Variants in CCSER1 observed in about 807,000 individuals in gnomAD.
CCSER1 encodes serine-rich coiled-coil domain-containing protein 1.
Under a neutral mutation model 82.0 loss-of-function variants are expected in CCSER1, and 41 were observed. That is an observed-to-expected ratio of 0.50 (90% confidence interval 0.39 to 0.65). The LOEUF is 0.65. Ranked by LOEUF, CCSER1 falls within the 30% of genes least tolerant of loss-of-function variation. The pLI is 0.00. For synonymous variants in CCSER1, 414 were observed against 383.9 expected (o/e 1.08, Z -0.92); for missense variants, 1,119 against 1,064.2 (o/e 1.05, Z -0.72).
intron 8 of CCSER1, among the ~76,000 whole-genome samples, chr4:90,917,920 C>T (rs758415668): frequency 6.6e-6 from 1 of 151,894 alleles, no homozygotes; most frequent in Non-Finnish European, 1.5e-5. Context: ...TAGAATATTT[C>T]TCTTTCCATA....
chr4:90,441,992 G>T (rs1759955506), intron 4 of CCSER1, among the ~76,000 whole-genome samples: 1 of 152,164 alleles, frequency 6.6e-6, no homozygotes, highest in African/African-American at 2.4e-5. Flanking sequence ...ACACATTTCA[G>T]TCCTGTGGAA....
chr4:90,768,227 T>C (rs551042037), intron 7 of CCSER1, among the ~76,000 whole-genome samples: 1 of 152,298 alleles, frequency 6.6e-6, no homozygotes, highest in East Asian at 1.9e-4. Flanking sequence ...TCCAAATGAC[T>C]ACTTGGAAAC....
Position 90,309,323 on chromosome 4 carries a change from G to C in CCSER1, c.1039G>C (p.Glu347Gln). ...LPETSAANQK[E>Q]VLLQIAELPA... ...GGAAACCTCTGCTGCTAATCAGAAGGAAGTGTTATTACAAATTGCTGAACT... is the reference window on the plus strand; with the variant it reads ...GGAAACCTCTGCTGCTAATCAGAAGCAAGTGTTATTACAAATTGCTGAACT... The change falls in exon 2 of 11, where the codon GAA (glutamate) becomes CAA (glutamine). Residue 347 changes from glutamate to glutamine, a missense_variant. Glu to Gln is a conservative substitution (Grantham distance 29). Transcript: ENST00000509176. 1.2e-6 allele frequency: 2 copies of C among 1,613,864 alleles called. No individual in the cohort carries two copies. The highest frequency in any genetic ancestry group is 2.2e-5 in the East Asian group (1 of 44,876).
chr4:90,429,271 G>T (rs1357154998), intron 4 of CCSER1, among the ~76,000 whole-genome samples: 1 of 151,790 alleles, frequency 6.6e-6, no homozygotes, highest in Non-Finnish European at 1.5e-5. Context: ...TAGCCACATT[G>T]CCATTGTAGA....
chr4:90,168,242 TTCATGTG>T (rs1730903396), intron 1 of CCSER1, among the ~76,000 whole-genome samples: 1 of 152,222 alleles, frequency 6.6e-6, no homozygotes, highest in South Asian at 2.1e-4. Flanking sequence ...TGAGCATTAT[TTCATGTG>T]TCTTTTGGCT....
At chr4:90,668,575 A>G (rs1239943098) in intron 6 of CCSER1, among the ~76,000 whole-genome samples, 1 of 152,132 alleles carries the variant, frequency 6.6e-6, no homozygotes, top group Non-Finnish European at 1.5e-5. Context: ...TTGATAAGAG[A>G]AAAAAGAATG....
rs188643133 is a variant in CCSER1, at chr4:91,311,875, G to A, written c.2217+225881G>A. Among the ~76,000 whole-genome samples, 585 of 151,916 alleles carry A rather than the reference G, an allele frequency of 3.9e-3. 3 individuals carry two copies. The highest frequency in any genetic ancestry group is 0.014 in the African/African-American group (568 of 41,522). ...AATGCAGAGAACATGTTTATTTAATGAAAGCATGGGTTGTTACTCAAAACC... is the reference window on the plus strand; with the variant it reads ...AATGCAGAGAACATGTTTATTTAATAAAAGCATGGGTTGTTACTCAAAACC... On this transcript the variant is annotated intron_variant, in intron 10 of 10. Transcript: ENST00000509176.
chr4:90,892,125 T>C (rs1254714598), intron 8 of CCSER1, among the ~76,000 whole-genome samples: 1 of 152,106 alleles, frequency 6.6e-6, no homozygotes, highest in Non-Finnish European at 1.5e-5. Context: ...TTTAAATACA[T>C]TTATCTAAAG....
At chr4:90,774,375 T>C (rs1297285258) in intron 7 of CCSER1, among the ~76,000 whole-genome samples, 4 of 152,078 alleles carry the variant, frequency 2.6e-5, no homozygotes, top group Non-Finnish European at 5.9e-5. Flanking sequence ...GTATTATTCT[T>C]TGGGGATAGT....
intron 9 of CCSER1, among the ~76,000 whole-genome samples, chr4:91,054,442 C>T (rs532728179): frequency 2.3e-4 from 35 of 152,042 alleles, no homozygotes; most frequent in Non-Finnish European, 4.3e-4. Context: ...TTTATTGAGC[C>T]TTTTATTAAT....
intron 10 of CCSER1, among the ~76,000 whole-genome samples, chr4:91,251,720 C>A (rs1156624123): frequency 3.3e-5 from 5 of 152,094 alleles, no homozygotes; most frequent in Admixed American, 6.6e-5. Context: ...TCATTTAAAT[C>A]AATTAAAATT....
In CCSER1 at chr4:91,085,967, A is replaced by T. The variant is rs1277909353; in HGVS notation, c.2190A>T (p.Arg730Ser). 3.9e-6 allele frequency: 6 copies of T among 1,530,268 alleles called. No individual in the cohort carries two copies. The African/African-American group carries it at 6.9e-5, about 18-fold the overall frequency. 94.8% of individuals were successfully genotyped at this position (1,530,268 alleles called of 1,614,324 possible). ...TTTTTCAGGGTTTAAACTTGAAAAG[A>T]CTAGAGACAGTACAAGGAGGGAGAG... ...LLCYDGLNLK[R>S]LETVQGGREA... Residue 730 changes from arginine (R) to serine (S), a missense_variant, in exon 10 of 11, where the codon AGA (arginine) becomes AGT (serine). Arg to Ser is a moderately radical substitution (Grantham distance 110). Coordinates refer to ENST00000509176, the MANE Select transcript of CCSER1 (RefSeq NM_001145065.2).
At chr4:90,947,446 C>CAAA (rs1561405488) in intron 9 of CCSER1, among the ~76,000 whole-genome samples, 1 of 152,094 alleles carries the variant, frequency 6.6e-6, no homozygotes, top group Non-Finnish European at 1.5e-5. Context: ...ATGACATAAA[C>CAAA]ATTATTTACA....
chr4:90,528,039 T>A (rs1021660063), intron 5 of CCSER1, among the ~76,000 whole-genome samples: 23 of 152,162 alleles, frequency 1.5e-4, no homozygotes, highest in Admixed American at 1.1e-3. Flanking sequence ...ATACAAGCAG[T>A]TATTTATAAC....
intron 10 of CCSER1, among the ~76,000 whole-genome samples, chr4:91,420,811 A>G (rs1753644406): frequency 1.3e-5 from 2 of 152,172 alleles, no homozygotes; most frequent in African/African-American, 4.8e-5. Context: ...AGATGAATGG[A>G]TAGAAAATGT....
At chr4:91,003,065 C>T (rs907996934) in intron 9 of CCSER1, among the ~76,000 whole-genome samples, 21 of 152,060 alleles carry the variant, frequency 1.4e-4, no homozygotes, top group African/African-American at 3.1e-4. Context: ...AGGCTGGTAC[C>T]GGGGGTTGTC....
intron 1 of CCSER1, among the ~76,000 whole-genome samples, chr4:90,250,988 A>C (rs1038035202): frequency 6.6e-6 from 1 of 151,734 alleles, no homozygotes; most frequent in African/African-American, 2.4e-5. Context: ...TTTTTAGATT[A>C]TTTTCTACTG....
intron 6 of CCSER1, among the ~76,000 whole-genome samples, chr4:90,656,335 TTATTC>T (rs1198757483): frequency 6.6e-6 from 1 of 151,750 alleles, no homozygotes. Flanking sequence ...TTTATCTCTT[TTATTC>T]TGTCAATTTT....
chr4:91,481,178 G>A (rs533449600), intron 10 of CCSER1, among the ~76,000 whole-genome samples: 2 of 151,258 alleles, frequency 1.3e-5, no homozygotes, highest in South Asian at 4.2e-4. Context: ...AATCAGAAAT[G>A]ATATGCTGTA....
Sources: allele counts gnomAD v4.1 joint callset (sites outside exome capture counted in the v4.1 genomes callset), GRCh38; gene constraint gnomAD v4.1.1; transcripts MANE v1.5; gene names NCBI Gene and HGNC (gene_info 2026-07-23, HGNC 2026-07-21).